Variants in IKBKE observed in about 807,000 individuals in gnomAD.
IKBKE encodes the protein inhibitor of nuclear factor kappa-B kinase subunit epsilon.
In IKBKE, 45 loss-of-function variants were observed where a neutral mutation model predicts 92.1. That is an observed-to-expected ratio of 0.49 (90% confidence interval 0.38 to 0.63). IKBKE has a LOEUF of 0.63. IKBKE is among the 20% of genes least tolerant of loss of function. The pLI is 0.00. For synonymous variants in IKBKE, 374 were observed against 380.3 expected, an observed-to-expected ratio of 0.98 and a Z score of 0.19; for missense variants, 700 against 932.8, an observed-to-expected ratio of 0.75 and a Z score of 3.25.
In IKBKE at chr1:206,474,612, AG is replaced by A. The variant is rs41296010; in HGVS notation, c.228+146del. On this transcript the variant is annotated intron_variant, in intron 4 of 21. Transcript: ENST00000581977. ...GCAGGCAAATTGCAGAAGGGAGCAA[AG>A]GGGGCAAGGGGGTGGGGGCGGTGCA... The A allele has an allele frequency of 1.8e-3, 1,130 of 642,620 alleles. 10 individuals carry two copies. The African/African-American group carries it at 0.019, about 11-fold the overall frequency. 39.8% of individuals were successfully genotyped at this position (642,620 alleles called of 1,614,324 possible).
Position 206,474,436 on chromosome 1 carries a change from C to T in IKBKE, c.193C>T (p.Gln65Ter). ...EFEVLRKLNHQNIVKLFAVEE... is the reference protein window; with the variant it reads ...EFEVLRKLNH ...TGAGGTCCTGCGGAAGCTGAACCACCAGAACATTGTCAAGCTCTTTGCGGT... is the reference window on the plus strand; with the variant it reads ...TGAGGTCCTGCGGAAGCTGAACCACTAGAACATTGTCAAGCTCTTTGCGGT... The change falls in exon 4 of 22, where the codon CAG becomes TAG. Residue 65 changes from glutamine to a stop codon, truncating the protein, a stop_gained. Coordinates refer to ENST00000581977, the MANE Select transcript of IKBKE (RefSeq NM_014002.4). LOFTEE classifies it high-confidence loss of function. 1.2e-6 allele frequency: 2 copies of T among 1,614,100 alleles called. No homozygotes were observed. Among genetic ancestry groups the T allele is most frequent in the Non-Finnish European group, 1.7e-6 (2 of 1,179,972 alleles).
rs185331856 is a variant in IKBKE at position 206,477,590 on chromosome 1, C to T, written c.702-159C>T. On this transcript the variant is annotated intron_variant, in intron 7 of 21. Transcript: ENST00000581977. ...AGGAGGAGTGCTGAGGCAAGGCGCT[C>T]TCACAGCTGAGAGCCAGGTTTCTCA... is the stretch of plus-strand genomic sequence containing the variant. 3.9e-5 allele frequency among the ~76,000 whole-genome samples: 6 copies of T among 152,306 alleles called. No individual in the cohort carries two copies. The East Asian group carries it at 1.2e-3, about 29-fold the overall frequency.
Position 206,476,837 on chromosome 1 carries a change from A to G in IKBKE, c.700A>G (p.Met234Val). ...TGGGCCACGGCGGAACAAGGAGATC[A>G]TGTACGGTGGGCCACAGGGCAGGGA... ...FGGPRRNKEI[M>V]YRITTEKPAG... Residue 234 changes from methionine (M) to valine (V), a missense_variant and splice_region_variant, in exon 7 of 22, where the codon ATG (methionine) becomes GTG (valine). Physicochemically the swap from Met to Val is conservative, Grantham distance 21. Coordinates refer to ENST00000581977, the MANE Select transcript of IKBKE (RefSeq NM_014002.4). The surrounding 1 kb of genome is among the most constrained non-coding windows in gnomAD (Gnocchi z 5.1). 6.2e-7 allele frequency: 1 copy of G among 1,614,158 alleles called. No individual in the cohort carries two copies. Among genetic ancestry groups the G allele is most frequent in the Non-Finnish European group, 8.5e-7 (1 of 1,179,984 alleles).
rs781836498 is a variant in IKBKE at position 206,476,701 on chromosome 1, G to A, written c.564G>A (p.Ala188=). The A allele has an allele frequency of 2.4e-5, 38 of 1,614,106 alleles. No individual in the cohort carries two copies. The highest frequency in any genetic ancestry group is 6.7e-5 in the Admixed American group (4 of 60,010). ...EYLHPDMYER[A]VLRKPQQKAF... ...AGCATCCCGACATGTATGAGCGGGC[G>A]GTGCTTCGAAAGCCCCAGCAAAAAG... Residue 188 remains alanine, a synonymous_variant, in exon 7 of 22, where the codon GCG becomes GCA. Coordinates refer to ENST00000581977, the MANE Select transcript of IKBKE (RefSeq NM_014002.4). This position sits in a 1 kb window ranked among gnomAD's most constrained non-coding sequence, Gnocchi z 5.1.
At chr1:206,489,902 C>A (rs985106847) in intron 16 of IKBKE, among the ~76,000 whole-genome samples, 1 of 152,128 alleles carries the variant, frequency 6.6e-6, no homozygotes, top group South Asian at 2.1e-4. Flanking sequence ...TAAAAATGAA[C>A]CCCTAACTGT....
chr1:206,493,199 C>G (rs1026880909), intron 19 of IKBKE, 67 bp from the exon 20 acceptor site: 1 of 1,553,302 alleles, frequency 6.4e-7, no homozygotes, highest in African/African-American at 1.4e-5. Flanking sequence ...CCTCCTCCAG[C>G]ACTCCCCCTA....
Position 206,479,002 on chromosome 1 carries a change from A to C in IKBKE, c.1052A>C (p.Glu351Ala), listed in dbSNP as rs1665221808. The part of the protein sequence containing the change: ...KQTSVAPRHQ[E>A]YLFEGHLCVL... Reference sequence around the variant, plus strand: ...ACCAGTGTGGCCCCCCGACACCAGGAGTACCTCTTTGAGGGTCACCTCTGT... The same window carrying C: ...ACCAGTGTGGCCCCCCGACACCAGGCGTACCTCTTTGAGGGTCACCTCTGT... Residue 351 changes from glutamate (E) to alanine (A), a missense_variant, in exon 10 of 22, where the codon GAG (glutamate) becomes GCG (alanine). Glu to Ala is a moderately radical substitution (Grantham distance 107, BLOSUM62 -1). Coordinates refer to ENST00000581977, the MANE Select transcript of IKBKE (RefSeq NM_014002.4). The C allele has an allele frequency of 1.2e-6, 2 of 1,613,998 alleles. No homozygotes were observed. The highest frequency in any genetic ancestry group is 1.7e-5 in the Admixed American group (1 of 59,982).
chr1:206,473,925 C>T (rs1239612269), intron 3 of IKBKE, among the ~76,000 whole-genome samples: 1 of 137,958 alleles, frequency 7.2e-6, no homozygotes, highest in Non-Finnish European at 1.5e-5. Context: ...CTTGACACTG[C>T]ACTCCAGCCT....
chr1:206,496,558 A>C lies in IKBKE; in HGVS notation c.*413A>C, dbSNP rs1553392169. ...CCTCCTGGGGTTTCCCCAGGGCAGT[A>C]GGTCAAACGACCTCATCACAGTCTT... is the stretch of plus-strand genomic sequence containing the variant. On this transcript the variant is annotated 3_prime_UTR_variant, in exon 22 of 22. Coordinates refer to ENST00000581977, the MANE Select transcript of IKBKE (RefSeq NM_014002.4). The C allele has an allele frequency of 7.7e-6, 2 of 258,174 alleles. No individual in the cohort carries two copies. Among genetic ancestry groups the C allele is most frequent in the Non-Finnish European group, 1.5e-5 (2 of 134,032 alleles). 16.0% of individuals were successfully genotyped at this position (258,174 alleles called of 1,614,324 possible).
At chr1:206,486,693 G>A (rs1159464896) in intron 15 of IKBKE, among the ~76,000 whole-genome samples, 2 of 144,904 alleles carry the variant, frequency 1.4e-5, no homozygotes, top group African/African-American at 5.2e-5. Flanking sequence ...CTGTGGATCT[G>A]AGCCCTGTCC....
At chr1:206,492,958 T>C in intron 18 of IKBKE, 65 bp from the exon 19 acceptor site, 1 of 1,394,278 alleles carries the variant, frequency 7.2e-7, no homozygotes, top group South Asian at 1.2e-5. Flanking sequence ...CGATGGCAGC[T>C]AGGCGAGCCC....
chr1:206,494,756 A>G (rs575694270), intron 21 of IKBKE, among the ~76,000 whole-genome samples: 1 of 151,268 alleles, frequency 6.6e-6, no homozygotes, highest in Non-Finnish European at 1.5e-5. Context: ...GGTGTCCACC[A>G]CCACACGCAG....
intron 17 of IKBKE, chr1:206,491,064 G>A (rs1553390200): frequency 1.6e-6 from 1 of 611,176 alleles, no homozygotes; most frequent in Non-Finnish European, 2.9e-6. Flanking sequence ...CAATCTTGAA[G>A]TAACTGGATT....
In IKBKE at chr1:206,478,246, C is replaced by T. The variant is rs1271766187; in HGVS notation, c.899C>T (p.Ala300Val). 15 of 1,614,040 alleles carry T rather than the reference C, an allele frequency of 9.3e-6. No homozygotes were observed. Among genetic ancestry groups the T allele is most frequent in the East Asian group, 8.9e-5 (4 of 44,904 alleles). Residue 300 changes from alanine (A) to valine (V), a missense_variant, in exon 9 of 22, where the codon GCG (alanine) becomes GTG (valine). Physicochemically the swap from Ala to Val is moderately conservative, Grantham distance 64 (BLOSUM62 0). Coordinates refer to ENST00000581977, the MANE Select transcript of IKBKE (RefSeq NM_014002.4). This position sits in a 1 kb window ranked among gnomAD's most constrained non-coding sequence, Gnocchi z 4.8. The part of the protein sequence containing the change: ...AKCWGFDQFF[A>V]ETSDILQRVV... The stretch of plus-strand genomic sequence containing the variant: ...TGCTGGGGCTTCGACCAGTTCTTTG[C>T]GGAGACCAGTGACATCCTGCAGCGA...
In IKBKE at chr1:206,490,934, G is replaced by T; in HGVS notation, c.1733+76G>T. 7.3e-7 allele frequency: 1 copy of T among 1,373,976 alleles called. No homozygotes were observed. The highest frequency in any genetic ancestry group is 1.0e-6 in the Non-Finnish European group (1 of 964,092). 85.1% of individuals were successfully genotyped at this position (1,373,976 alleles called of 1,614,324 possible). ...CAGGGCAGAGCGATTCTCAACGCCAGAGGAGAGGCAGTGAAGGGCCCTGTC... is the reference window on the plus strand; with the variant it reads ...CAGGGCAGAGCGATTCTCAACGCCATAGGAGAGGCAGTGAAGGGCCCTGTC... On this transcript the variant is annotated intron_variant, in intron 17 of 21. Transcript: ENST00000581977. This position sits in a 1 kb window ranked among gnomAD's most constrained non-coding sequence, Gnocchi z 5.2.
chr1:206,475,209 G>A (rs1664993173), intron 5 of IKBKE: 5 of 544,128 alleles, frequency 9.2e-6, no homozygotes. Flanking sequence ...ACAAAATGTG[G>A]GAGGTACCTA....
Position 206,480,474 on chromosome 1 carries a change from G to A in IKBKE, c.1368G>A (p.Arg456=). The A allele has an allele frequency of 6.2e-7, 1 of 1,613,834 alleles. No homozygotes were observed. The change falls in exon 13 of 22, where the codon CGG becomes CGA. Residue 456 remains arginine (R), a synonymous_variant. Coordinates refer to ENST00000581977, the MANE Select transcript of IKBKE (RefSeq NM_014002.4). ...AGGTGCTCCAGGCCACATGCAGACG[G>A]ACTCTGGAAGTGGCAAGGACATCCC... ...VMEVLQATCR[R]TLEVARTSLL...
intron 13 of IKBKE, 28 bp from the exon 14 acceptor site, chr1:206,484,969 T>C: frequency 6.2e-7 from 1 of 1,602,240 alleles, no homozygotes; most frequent in Non-Finnish European, 8.5e-7. Context: ...AGCCCCCAAA[T>C]GTGGCCTTTC....
At chr1:206,475,234 T>TC in intron 5 of IKBKE, 1 of 519,356 alleles carries the variant, frequency 1.9e-6, no homozygotes, top group Non-Finnish European at 3.4e-6. Flanking sequence ...AGAATATTAT[T>TC]CAGTCTTAAA....
Sources: gnomAD v4.1 joint callset for allele counts (sites outside exome capture counted in the v4.1 genomes callset) on GRCh38, gnomAD v4.1.1 for gene constraint, Gnocchi (gnomAD v3.1) non-coding constraint, MANE v1.5 for transcripts, NCBI Gene and HGNC (gene_info 2026-07-23, HGNC 2026-07-21) for gene names.